The following PTPRD variants were observed in gnomAD, a reference collection of about 807,000 sequenced individuals.
The protein encoded by PTPRD is protein tyrosine phosphatase receptor type D.
PTPRD carries 34 observed loss-of-function variants against 214.5 expected under a neutral mutation model. The observed-to-expected ratio is 0.16, with a 90% CI of 0.12 to 0.21. The LOEUF (loss-of-function observed/expected upper bound fraction) is 0.21. Ranked by LOEUF, PTPRD falls within the 10% of genes least tolerant of loss-of-function variation. The pLI is 1.00. For missense variants in PTPRD, 2,545 were observed against 2,398.7 expected (o/e 1.06, Z -1.27); for synonymous variants, 1,128 against 845.7 (o/e 1.33, Z -5.79).
rs1409235808 is a variant in PTPRD at position 8,516,856 on chromosome 9, T to A, written c.1543+992A>T. 2.2e-5 allele frequency among the ~76,000 whole-genome samples: 3 copies of A among 137,954 alleles called. No homozygotes were observed. In the East Asian group the frequency reaches 6.4e-4, roughly 29 times the overall value. The allele number at this position is 137,954 out of a possible 152,430, so 90.5% of individuals were successfully genotyped here. Reference sequence around the variant, plus strand: ...AGTCTTGCTGTCACCCAGGCTGGAGTGTAGTGGTACAATCTTAGCTCACTG... The same window carrying A: ...AGTCTTGCTGTCACCCAGGCTGGAGAGTAGTGGTACAATCTTAGCTCACTG... On this transcript the variant is annotated intron_variant, in intron 21 of 45. Transcript: ENST00000381196.
chr9:8,672,885 G>A (rs2097315627), intron 12 of PTPRD, among the ~76,000 whole-genome samples: 2 of 151,906 alleles, frequency 1.3e-5, no homozygotes, highest in South Asian at 4.2e-4. Context: ...TATTTTTAGA[G>A]GCCTAAATCC....
chr9:10,147,483 T>C (rs986790184), intron 3 of PTPRD, among the ~76,000 whole-genome samples: 6 of 152,174 alleles, frequency 3.9e-5, no homozygotes, highest in Admixed American at 1.3e-4. Context: ...TAAAAATGCC[T>C]TTGCTTATTA....
intron 33 of PTPRD, among the ~76,000 whole-genome samples, chr9:8,453,064 A>T (rs1021471782): frequency 6.6e-6 from 1 of 152,182 alleles, no homozygotes; most frequent in Non-Finnish European, 1.5e-5. Context: ...TTTTCAGTTT[A>T]TTTGTGTATA....
At chr9:10,277,682 C>T (rs1000624618) in intron 3 of PTPRD, among the ~76,000 whole-genome samples, 2 of 152,176 alleles carry the variant, frequency 1.3e-5, no homozygotes, top group Non-Finnish European at 2.9e-5. Flanking sequence ...GTAAAGAAAT[C>T]CTCATGATTC....
At chr9:9,526,962 A>C (rs575194709) in intron 8 of PTPRD, among the ~76,000 whole-genome samples, 15 of 152,126 alleles carry the variant, frequency 9.9e-5, no homozygotes, top group Non-Finnish European at 1.9e-4. Context: ...GAGGTATTTC[A>C]AGATGTATAA....
intron 9 of PTPRD, among the ~76,000 whole-genome samples, chr9:9,204,609 C>T (rs1190637656): frequency 6.6e-6 from 1 of 152,082 alleles, no homozygotes; most frequent in African/African-American, 2.4e-5. Context: ...GAAATGTTTA[C>T]ATTGCATTTA....
rs189808088 is a variant in PTPRD, at chr9:9,293,624, G to A, written c.-203+103825C>T. ...CAGTTGACAGAGAAAAGAAATATACGTATATACCGTAATACCCCCTTATCC... is the reference window on the plus strand; with the variant it reads ...CAGTTGACAGAGAAAAGAAATATACATATATACCGTAATACCCCCTTATCC... On this transcript the variant is annotated intron_variant, in intron 9 of 45. Transcript: ENST00000381196. 7.1e-4 allele frequency among the ~76,000 whole-genome samples: 107 copies of A among 151,436 alleles called. 1 individual carries two copies. Among genetic ancestry groups the A allele is most frequent in the African/African-American group, 9.7e-5 (4 of 41,406 alleles).
chr9:8,679,062 G>A (rs1484359709), intron 12 of PTPRD, among the ~76,000 whole-genome samples: 1 of 152,156 alleles, frequency 6.6e-6, no homozygotes, highest in Non-Finnish European at 1.5e-5. Context: ...TAGAGGGTTG[G>A]GATGGAAACC....
At chr9:10,506,540 T>C (rs1210016764) in intron 2 of PTPRD, among the ~76,000 whole-genome samples, 3 of 152,182 alleles carry the variant, frequency 2.0e-5, no homozygotes, top group African/African-American at 7.2e-5. Context: ...CCACTTACCA[T>C]GATGTGATTA....
intron 7 of PTPRD, among the ~76,000 whole-genome samples, chr9:9,623,100 C>T (rs961143951): frequency 1.3e-5 from 2 of 152,172 alleles, no homozygotes; most frequent in African/African-American, 2.4e-5. Context: ...TTTATAAATC[C>T]TTTATTACTT....
At chr9:10,487,598 A>T (rs550110604) in intron 2 of PTPRD, among the ~76,000 whole-genome samples, 1 of 152,120 alleles carries the variant, frequency 6.6e-6, no homozygotes, top group Non-Finnish European at 1.5e-5. Flanking sequence ...ATATAGACAC[A>T]GGAAGAGAAG....
At chr9:8,828,228 A>C (rs1481272751) in intron 11 of PTPRD, among the ~76,000 whole-genome samples, 1 of 152,188 alleles carries the variant, frequency 6.6e-6, no homozygotes, top group Non-Finnish European at 1.5e-5. Context: ...CAATGGACTA[A>C]ATGTTTGTAT....
intron 2 of PTPRD, among the ~76,000 whole-genome samples, chr9:10,442,806 T>C (rs75482410): frequency 0.02 from 2,982 of 151,586 alleles, 50 homozygotes; most frequent in Middle Eastern, 0.048. Flanking sequence ...TATGGTCCTA[T>C]TTTTGCTTGT....
At chr9:9,393,718 T>C (rs373163312) in intron 9 of PTPRD, among the ~76,000 whole-genome samples, 5 of 152,186 alleles carry the variant, frequency 3.3e-5, no homozygotes, top group African/African-American at 4.8e-5. Context: ...AGTTTAAGCT[T>C]TCTAATCCTC....
Position 10,107,300 on chromosome 9 carries a change from T to G in PTPRD, c.-544-73510A>C, listed in dbSNP as rs576199469. Among the ~76,000 whole-genome samples, 12 of 152,054 alleles carry G rather than the reference T, an allele frequency of 7.9e-5. No individual in the cohort carries two copies. In the South Asian group the frequency reaches 2.5e-3, roughly 32 times the overall value. On this transcript the variant is annotated intron_variant, in intron 3 of 45. Coordinates refer to ENST00000381196, the MANE Select transcript of PTPRD (RefSeq NM_002839.4). ...TAAGAAATCTAATGAAGGTCCACAT[T>G]TGGGAGATGTGAGGAAGAGGAGGCG... is the stretch of plus-strand genomic sequence containing the variant.
At chr9:9,691,872 T>C (rs1052081552) in intron 7 of PTPRD, among the ~76,000 whole-genome samples, 1 of 152,092 alleles carries the variant, frequency 6.6e-6, no homozygotes, top group Non-Finnish European at 1.5e-5. Flanking sequence ...TCTCTGATGA[T>C]CAATGATGTT....
At chr9:10,404,467 T>TC (rs1445985215) in intron 2 of PTPRD, among the ~76,000 whole-genome samples, 1 of 151,770 alleles carries the variant, frequency 6.6e-6, no homozygotes, top group African/African-American at 2.4e-5. Context: ...TTTGATTTTT[T>TC]CAAAAGTACA....
chr9:10,173,008 G>A (rs71501057), intron 3 of PTPRD, among the ~76,000 whole-genome samples: 10 of 152,098 alleles, frequency 6.6e-5, no homozygotes, highest in Non-Finnish European at 1.5e-4. Context: ...TTTTTCCTTT[G>A]TAAAAGTGAA....
At position 9,491,436 on chromosome 9, in the gene PTPRD, A is replaced by G. The variant is rs564247263; in HGVS notation, c.-237+83296T>C. The stretch of plus-strand genomic sequence containing the variant: ...ATAAAGAACTTAATATAATTTACCA[A>G]CTAGATCTAACGGAAATGTACAGAA... On this transcript the variant is annotated intron_variant, in intron 8 of 45. Coordinates refer to ENST00000381196, the MANE Select transcript of PTPRD (RefSeq NM_002839.4). Among the ~76,000 whole-genome samples, 5 of 152,066 alleles carry G rather than the reference A, an allele frequency of 3.3e-5. No individual in the cohort carries two copies. The South Asian group carries it at 1.0e-3, about 32-fold the overall frequency.
Sources: allele counts gnomAD v4.1 joint callset (sites outside exome capture counted in the v4.1 genomes callset), GRCh38; gene constraint gnomAD v4.1.1; transcripts MANE v1.5; gene names NCBI Gene and HGNC (gene_info 2026-07-23, HGNC 2026-07-21).